LSG1: variants seen among roughly 807,000 people sequenced by gnomAD.
The protein encoded by LSG1 is large subunit GTPase 1 homolog.
A neutral mutation model predicts 82.6 loss-of-function variants in LSG1; 55 were observed. The observed-to-expected ratio is 0.67, with a 90% CI of 0.54 to 0.83. LSG1 has a LOEUF of 0.83. Among genes scored for constraint, LSG1 ranks in the 40% least tolerant of loss-of-function variants. LSG1 has a pLI of 0.00. For missense variants in LSG1, 809 were observed against 807.9 expected, an observed-to-expected ratio of 1.00 and a Z score of -0.02; for synonymous variants, 272 against 282.5, an observed-to-expected ratio of 0.96 and a Z score of 0.37.
At position 194,641,716 on chromosome 3, in the gene LSG1, T is replaced by C. The variant is rs112222034; in HGVS notation, c.*352A>G. The stretch of plus-strand genomic sequence containing the variant: ...GCAAACTCTGCCTCCCTGGTTCAAG[T>C]GATTCTCCTGCCTCAGCCTCCCGAG... On this transcript the variant is annotated 3_prime_UTR_variant, in exon 14 of 14. Transcript: ENST00000265245. 63 of 165,220 alleles carry C rather than the reference T, an allele frequency of 3.8e-4. No homozygotes were observed. The highest frequency in any genetic ancestry group is 7.2e-4 in the South Asian group (4 of 5,588). The allele number at this position is 165,220 out of a possible 1,614,324, so 10.2% of individuals were successfully genotyped here. A position where few individuals can be genotyped will look rare whatever the true frequency, so the allele number is the denominator to read the frequency against.
chr3:194,648,741 T>C lies in LSG1; in HGVS notation c.1483A>G (p.Arg495Gly). 1 of 1,614,070 alleles carries C rather than the reference T, an allele frequency of 6.2e-7. No individual in the cohort carries two copies. Among genetic ancestry groups the C allele is most frequent in the South Asian group, 1.1e-5 (1 of 91,082 alleles). Residue 495 changes from arginine to glycine, a missense_variant, in exon 11 of 14, where the codon AGA becomes GGA. Arg to Gly is a moderately radical substitution (Grantham distance 125). Transcript: ENST00000265245. ...GGTCGGTGGGGATCTTCATCCTCTC[T>C]AGGCGTTATGATGTTAATGCCATAG... ...ATYGINIITP[R>G]EDEDPHRPPT...
chr3:194,644,818 C>T (rs1010455481), intron 12 of LSG1, 72 bp from the exon 13 acceptor site: 4 of 1,271,828 alleles, frequency 3.1e-6, no homozygotes, highest in Admixed American at 2.5e-5. Context: ...ACAGCTCCAC[C>T]CAGTCACACT....
chr3:194,666,343 T>A, intron 3 of LSG1, 54 bp from the exon 4 acceptor site: 1 of 1,601,576 alleles, frequency 6.2e-7, no homozygotes, highest in Non-Finnish European at 8.5e-7. Context: ...CAAAATAAAA[T>A]AGGTAATTTG....
chr3:194,651,032 ACAAG>A lies in LSG1; in HGVS notation c.1276-12_1276-9del. ...AGGCTCCACATAGAGAGTCTGGAAG[ACAAG>A]CAAGAGGTTTGAGCTGGGTATACAA... On this transcript the variant is annotated splice_polypyrimidine_tract_variant and intron_variant, in intron 9 of 13. Transcript: ENST00000265245. 5 of 1,613,936 alleles carry A rather than the reference ACAAG, an allele frequency of 3.1e-6. No individual in the cohort carries two copies. Among genetic ancestry groups the A allele is most frequent in the Non-Finnish European group, 4.2e-6 (5 of 1,179,882 alleles).
intron 8 of LSG1, among the ~76,000 whole-genome samples, chr3:194,652,479 C>G (rs1687416771): frequency 6.6e-6 from 1 of 152,208 alleles, no homozygotes; most frequent in South Asian, 2.1e-4. Context: ...AAAAGCTGAA[C>G]TGAAAGGAGA....
In LSG1 at chr3:194,648,777, A is replaced by C. The variant is rs1164378721; in HGVS notation, c.1447T>G (p.Leu483Val). The change falls in exon 11 of 14, where the codon TTA becomes GTA. Residue 483 changes from leucine to valine, a missense_variant. Transcript: ENST00000265245. ...ATGTTAATGCCATAGGTAGCTTCTAAAACATGTCTTGGAATATTCTGGCAA... is the reference window on the plus strand; with the variant it reads ...ATGTTAATGCCATAGGTAGCTTCTACAACATGTCTTGGAATATTCTGGCAA... ...LVCQNIPRHV[L>V]EATYGINIIT... 2 of 1,613,966 alleles carry C rather than the reference A, an allele frequency of 1.2e-6. No homozygotes were observed. Among genetic ancestry groups the C allele is most frequent in the South Asian group, 2.2e-5 (2 of 91,054 alleles).
intron 10 of LSG1, among the ~76,000 whole-genome samples, chr3:194,650,559 C>T (rs557158641): frequency 2.6e-4 from 39 of 152,308 alleles, no homozygotes; most frequent in African/African-American, 9.1e-4. Flanking sequence ...TTTTCCCCCA[C>T]TTAGAGAAAA....
At chr3:194,656,069 A>G (rs1427144542) in intron 7 of LSG1, among the ~76,000 whole-genome samples, 1 of 152,096 alleles carries the variant, frequency 6.6e-6, no homozygotes, top group East Asian at 1.9e-4. Flanking sequence ...CCTAGGCAAT[A>G]CCATTCAGGA....
At position 194,645,539 on chromosome 3, in the gene LSG1, C is replaced by T. The variant is rs2048466; in HGVS notation, c.1623+625G>A. ...ACACACACACACACACAGACAGACA[C>T]ACACACACACACACACACACACACA... On this transcript the variant is annotated intron_variant, in intron 12 of 13. Coordinates refer to ENST00000265245, the MANE Select transcript of LSG1 (RefSeq NM_018385.3). The T allele has an allele frequency of 1.9e-4, 6 of 32,384 alleles. 1 individual carries two copies. Among genetic ancestry groups the T allele is most frequent in the Non-Finnish European group, 3.4e-4 (5 of 14,796 alleles). The allele number at this position is 32,384 out of a possible 1,614,324, so 2.0% of individuals were successfully genotyped here.
chr3:194,645,890 C>A lies in LSG1; in HGVS notation c.1623+274G>T, dbSNP rs147423617. Among the ~76,000 whole-genome samples the A allele has an allele frequency of 2.1e-3, 323 of 152,256 alleles. 1 individual carries two copies. Among genetic ancestry groups the A allele is most frequent in the African/African-American group, 7.4e-3 (309 of 41,532 alleles). On this transcript the variant is annotated intron_variant, in intron 12 of 13. Transcript: ENST00000265245. ...AGCTATACTACAAAGAAGACTGTGA[C>A]AATAGTTGCAATCATAACAAGCAAA...
At chr3:194,642,322 G>C in intron 13 of LSG1, 75 bp from the exon 14 acceptor site, 1 of 1,278,924 alleles carries the variant, frequency 7.8e-7, no homozygotes, top group South Asian at 1.6e-5. Context: ...TACTATTAGT[G>C]GATCACTTCA....
chr3:194,671,029 GTGAAT>G (rs761405431), intron 1 of LSG1, among the ~76,000 whole-genome samples: 14 of 152,220 alleles, frequency 9.2e-5, no homozygotes, highest in Non-Finnish European at 1.6e-4. Context: ...TGAGACTGTA[GTGAAT>G]TGGTGAGTTA....
At position 194,645,567 on chromosome 3, in the gene LSG1, C is replaced by G. The variant is rs866020669; in HGVS notation, c.1623+597G>C. 6.0e-3 allele frequency among the ~76,000 whole-genome samples: 315 copies of G among 52,574 alleles called. 15 individuals are homozygous for G. The highest frequency in any genetic ancestry group is 0.014 in the African/African-American group (198 of 14,216). The allele number at this position is 52,574 out of a possible 152,430, so 34.5% of individuals were successfully genotyped here. On this transcript the variant is annotated intron_variant, in intron 12 of 13. Transcript: ENST00000265245. ...ACACACACACACACACACACACACA[C>G]ACAGACAGACACACACACACACACA... is the stretch of plus-strand genomic sequence containing the variant.
intron 5 of LSG1, among the ~76,000 whole-genome samples, chr3:194,664,553 A>G (rs1718994169): frequency 1.3e-5 from 2 of 152,186 alleles, no homozygotes; most frequent in African/African-American, 4.8e-5. Flanking sequence ...CATTACATGA[A>G]AAAGAATAAA....
intron 5 of LSG1, among the ~76,000 whole-genome samples, chr3:194,663,221 C>A (rs555275537): frequency 6.6e-6 from 1 of 152,170 alleles, no homozygotes; most frequent in African/African-American, 2.4e-5. Context: ...CATCAACTAC[C>A]AAGGAGGCAC....
In LSG1 at chr3:194,640,850, C is replaced by T. The variant is rs1718357747; in HGVS notation, c.*1218G>A. 6.6e-6 allele frequency: 1 copy of T among 152,200 alleles called. No homozygotes were observed. Among genetic ancestry groups the T allele is most frequent in the African/African-American group, 2.4e-5 (1 of 41,382 alleles). The allele number at this position is 152,200 out of a possible 1,614,324, so 9.4% of individuals were successfully genotyped here. On this transcript the variant is annotated 3_prime_UTR_variant, in exon 14 of 14. Transcript: ENST00000265245. ...CCTGTAGATGGTACAGGAAGCACAG[C>T]AGCTTTTGCTTCTAGGGAGGCCTCA...
At chr3:194,645,531 GACAGACACACACACACACACACAC>G (rs1718512270) in intron 12 of LSG1, 3 of 35,114 alleles carry the variant, frequency 8.5e-5, no homozygotes, top group South Asian at 2.1e-3. Context: ...CACACACACA[GACAGACACACACACACACACACAC>G]ACACACACAC....
Position 194,652,798 on chromosome 3 carries a change from C to T in LSG1, c.1104G>A (p.Glu368=), listed in dbSNP as rs201566473. 6.2e-7 allele frequency: 1 copy of T among 1,614,188 alleles called. No individual in the cohort carries two copies. Among genetic ancestry groups the T allele is most frequent in the Non-Finnish European group, 8.5e-7 (1 of 1,180,036 alleles). Residue 368 remains glutamate (E), a synonymous_variant, in exon 8 of 14, where the codon GAG becomes GAA. Coordinates refer to ENST00000265245, the MANE Select transcript of LSG1 (RefSeq NM_018385.3). ...HNFSHLVSKQ[E]LLELFKELHT... ...GTAGCTCCTTAAAGAGCTCCAGTAA[C>T]TCCTGCTTGGATACCAGATGGCTAA...
At chr3:194,670,209 T>G in intron 1 of LSG1, 74 bp from the exon 2 acceptor site, 1 of 1,527,050 alleles carries the variant, frequency 6.5e-7, no homozygotes, top group South Asian at 1.1e-5. Context: ...CTAAAATTCC[T>G]TGCAACTAGT....
Sources: gnomAD v4.1 joint callset for allele counts (sites outside exome capture counted in the v4.1 genomes callset) on GRCh38, gnomAD v4.1.1 for gene constraint, MANE v1.5 for transcripts, NCBI Gene and HGNC (gene_info 2026-07-23, HGNC 2026-07-21) for gene names.